The following NBAS variants were observed in gnomAD, a reference collection of about 807,000 sequenced individuals.
NBAS encodes the protein NBAS subunit of NRZ tethering complex, also known as NAG/BC035112 fusion.
Under a neutral mutation model 302.5 loss-of-function variants are expected in NBAS, and 219 were observed. That is an observed-to-expected ratio of 0.72 (90% CI 0.65 to 0.81). The LOEUF (loss-of-function observed/expected upper bound fraction) is 0.81, where lower values mean the gene tolerates loss of function less well. Ranked by LOEUF, NBAS falls within the 30% of genes least tolerant of loss-of-function variation. The pLI, the probability that NBAS is intolerant of heterozygous loss-of-function variation, is 0.00. For synonymous variants in NBAS, 1,118 were observed against 1,021.6 expected, an observed-to-expected ratio of 1.09 and a Z score of -1.80; for missense variants, 2,932 against 2,841.6, an observed-to-expected ratio of 1.03 and a Z score of -0.72.
chr2:15,002,367 A>G, the NBAS span, among the ~76,000 whole-genome samples: 1,166 of 152,182 alleles, frequency 7.7e-3, 16 homozygotes, highest in African/African-American at 0.027. Context: ...CAGGGGGTTG[A>G]TTGGTGTATT....
intron 44 of NBAS, among the ~76,000 whole-genome samples, chr2:15,245,649 G>A (rs559028782): frequency 1.3e-4 from 20 of 151,992 alleles, no homozygotes; most frequent in Non-Finnish European, 2.2e-4. Flanking sequence ...ATGGATGGAC[G>A]GACGGACGGA....
At chr2:15,442,894 A>G (rs1678508334) in intron 21 of NBAS, among the ~76,000 whole-genome samples, 1 of 152,156 alleles carries the variant, frequency 6.6e-6, no homozygotes, top group Non-Finnish European at 1.5e-5. Context: ...AATAAACTAG[A>G]AAATCTAGAA....
intron 9 of NBAS, among the ~76,000 whole-genome samples, chr2:15,526,414 T>A (rs1662915761): frequency 6.6e-6 from 1 of 152,240 alleles, no homozygotes; most frequent in African/African-American, 2.4e-5. Flanking sequence ...AAATCCTGTT[T>A]GTATATTACC....
chr2:15,006,785 G>A, the NBAS span, among the ~76,000 whole-genome samples: 2 of 152,304 alleles, frequency 1.3e-5, no homozygotes, highest in African/African-American at 4.8e-5. Flanking sequence ...TGCATGTCCA[G>A]CCATCAGCAG....
At chr2:15,186,476 G>T (rs903983084) in intron 50 of NBAS, among the ~76,000 whole-genome samples, 5 of 151,936 alleles carry the variant, frequency 3.3e-5, no homozygotes, top group African/African-American at 1.2e-4. Flanking sequence ...ACTTGAGTTT[G>T]ACAAAAAAGG....
At chr2:14,871,637 C>CA in the NBAS span, among the ~76,000 whole-genome samples, 1 of 151,772 alleles carries the variant, frequency 6.6e-6, no homozygotes, top group Admixed American at 6.6e-5. Context: ...AATAGTAGCA[C>CA]AAAAGGCAGG....
the NBAS span, among the ~76,000 whole-genome samples, chr2:14,829,803 CATACCT>C: frequency 6.6e-6 from 1 of 152,256 alleles, no homozygotes; most frequent in East Asian, 1.9e-4. Flanking sequence ...AACATCTTGA[CATACCT>C]ATCAGAAAAC....
chr2:15,411,013 A>C (rs1676659741), intron 25 of NBAS, among the ~76,000 whole-genome samples: 1 of 152,088 alleles, frequency 6.6e-6, no homozygotes, highest in South Asian at 2.1e-4. Context: ...GTTCAATTTC[A>C]GCCTGAGCTA....
chr2:15,198,349 T>TA (rs1219377140), intron 48 of NBAS, among the ~76,000 whole-genome samples: 5 of 152,160 alleles, frequency 3.3e-5, no homozygotes, highest in Non-Finnish European at 5.9e-5. Context: ...TTAAGAGACA[T>TA]ACGGTTTATA....
chr2:15,001,397 T>C, the NBAS span, among the ~76,000 whole-genome samples: 1 of 152,202 alleles, frequency 6.6e-6, no homozygotes, highest in Non-Finnish European at 1.5e-5. Context: ...AAATCACTTA[T>C]TGAATATCTC....
rs1416148287 is a variant in NBAS, at chr2:15,292,603, C to T, written c.4961G>A (p.Gly1654Asp). 10 of 1,614,066 alleles carry T rather than the reference C, an allele frequency of 6.2e-6. No individual in the cohort carries two copies. Among genetic ancestry groups the T allele is most frequent in the Non-Finnish European group, 8.5e-6 (10 of 1,180,054 alleles). The part of the protein sequence containing the change: ...QAQILQGLRK[G>D]VDVQRFTADD... ...TGCAGTAAACCGCTGCACGTCCACA[C>T]CCTTCCGAAGGCCCTGAAGGATCTG... The change falls in exon 41 of 52, where the codon GGT (glycine) becomes GAT (aspartate). Residue 1654 changes from glycine (G) to aspartate (D), a missense_variant. Gly to Asp is a moderately conservative substitution (Grantham distance 94, BLOSUM62 -1). Transcript: ENST00000281513.
At chr2:14,995,871 G>A in the NBAS span, among the ~76,000 whole-genome samples, 6 of 151,852 alleles carry the variant, frequency 4.0e-5, no homozygotes, top group African/African-American at 9.7e-5. Flanking sequence ...CCACCACCAC[G>A]GCCAGTCTAT....
At chr2:15,358,409 C>A (rs560760933) in intron 32 of NBAS, among the ~76,000 whole-genome samples, 1 of 151,650 alleles carries the variant, frequency 6.6e-6, no homozygotes, top group Non-Finnish European at 1.5e-5. Flanking sequence ...TGTGTGTGTG[C>A]GCACACATGT....
At chr2:15,145,537 A>T in the NBAS span, among the ~76,000 whole-genome samples, 2 of 152,098 alleles carry the variant, frequency 1.3e-5, no homozygotes, top group Non-Finnish European at 2.9e-5. Context: ...GGTCACTGTG[A>T]GACTCAGACC....
rs367874527 is a variant in NBAS, at chr2:15,292,527, T to C, written c.5027+10A>G. 19 of 1,612,326 alleles carry C rather than the reference T, an allele frequency of 1.2e-5. No homozygotes were observed. The African/African-American group carries it at 2.5e-4, about 22-fold the overall frequency. On this transcript the variant is annotated intron_variant, in intron 41 of 51. Transcript: ENST00000281513. ...ATCCATCCCCTTATGAAACAAAGGG[T>C]ATCACTTACTCTGCCAGACCAAGGA...
chr2:14,809,089 A>G, the NBAS span, among the ~76,000 whole-genome samples: 3 of 152,258 alleles, frequency 2.0e-5, no homozygotes, highest in Non-Finnish European at 4.4e-5. Flanking sequence ...TGTTAAAGTC[A>G]TTCAGTTTTA....
At chr2:15,331,534 C>T (rs1340008508) in intron 35 of NBAS, among the ~76,000 whole-genome samples, 2 of 152,122 alleles carry the variant, frequency 1.3e-5, no homozygotes, top group South Asian at 2.1e-4. Context: ...AGAAGAAAAC[C>T]TTAAGGCTTA....
At chr2:14,913,180 C>G in the NBAS span, among the ~76,000 whole-genome samples, 8 of 152,112 alleles carry the variant, frequency 5.3e-5, no homozygotes, top group Non-Finnish European at 1.0e-4. Flanking sequence ...GGCTGCAATC[C>G]GCATTGGCAT....
At chr2:14,972,138 A>G in the NBAS span, among the ~76,000 whole-genome samples, 1 of 152,246 alleles carries the variant, frequency 6.6e-6, no homozygotes. Flanking sequence ...GAATGAGATC[A>G]TGTCCTTTGC....
Sources: allele counts gnomAD v4.1 joint callset (sites outside exome capture counted in the v4.1 genomes callset), GRCh38; gene constraint gnomAD v4.1.1; transcripts MANE v1.5; gene names NCBI Gene and HGNC (gene_info 2026-07-23, HGNC 2026-07-21).